STAT4: variants seen among roughly 807,000 people sequenced by gnomAD.
The protein encoded by STAT4 is signal transducer and activator of transcription 4.
STAT4 carries 42 observed loss-of-function variants against 110.5 expected under a neutral mutation model. That is an observed-to-expected ratio of 0.38 (90% confidence interval 0.30 to 0.49). STAT4 has a LOEUF of 0.49. STAT4 is among the 20% of genes least tolerant of loss of function. STAT4 has a pLI of 0.95. For missense variants in STAT4, 632 were observed against 887.9 expected (o/e 0.71, Z 3.66); for synonymous variants, 284 against 302.2 (o/e 0.94, Z 0.63).
At position 191,146,472 on chromosome 2, in the gene STAT4, G is replaced by A; in HGVS notation, c.273+141C>T. Reference sequence around the variant, plus strand: ...GAAAAATGTTAGGTAATAAAATTGAGCACAAAATTTGTAAGTGGTAAGACA... The same window carrying A: ...GAAAAATGTTAGGTAATAAAATTGAACACAAAATTTGTAAGTGGTAAGACA... On this transcript the variant is annotated intron_variant, in intron 3 of 23. Coordinates refer to ENST00000392320, the MANE Select transcript of STAT4 (RefSeq NM_003151.4). The surrounding 1 kb of genome is among the most constrained non-coding windows in gnomAD (Gnocchi z 4.5). The A allele has an allele frequency of 1.4e-6, 1 of 698,470 alleles. No homozygotes were observed. Among genetic ancestry groups the A allele is most frequent in the East Asian group, 3.3e-5 (1 of 30,084 alleles). 43.3% of individuals were successfully genotyped at this position (698,470 alleles called of 1,614,324 possible).
At chr2:191,054,075 C>A (rs1696603589) in intron 14 of STAT4, among the ~76,000 whole-genome samples, 2 of 149,486 alleles carry the variant, frequency 1.3e-5, no homozygotes, top group Non-Finnish European at 3.0e-5. Context: ...CTGCAGTGAA[C>A]CAAGATCTCA....
At chr2:191,137,607 A>T (rs1352901465) in intron 3 of STAT4, among the ~76,000 whole-genome samples, 2 of 152,192 alleles carry the variant, frequency 1.3e-5, no homozygotes, top group Non-Finnish European at 2.9e-5. Context: ...ATACTACCTG[A>T]CTTCAAAGTA....
intron 1 of STAT4, among the ~76,000 whole-genome samples, chr2:191,148,872 A>G (rs1315024492): frequency 6.6e-6 from 1 of 152,182 alleles, no homozygotes; most frequent in African/African-American, 2.4e-5. Flanking sequence ...TAGATGGGCA[A>G]AGCTCTTAAA....
intron 14 of STAT4, among the ~76,000 whole-genome samples, chr2:191,049,309 G>A (rs1454588202): frequency 6.6e-6 from 1 of 151,640 alleles, no homozygotes; most frequent in African/African-American, 2.4e-5. Flanking sequence ...TGAGTAGCTG[G>A]GACTACAGGC....
Position 191,039,760 on chromosome 2 carries a change from T to C in STAT4, c.1336-463A>G, listed in dbSNP as rs1270107915. 6.6e-6 allele frequency among the ~76,000 whole-genome samples: 1 copy of C among 152,202 alleles called. No homozygotes were observed. Among genetic ancestry groups the C allele is most frequent in the Non-Finnish European group, 1.5e-5 (1 of 68,032 alleles). On this transcript the variant is annotated intron_variant, in intron 15 of 23. Transcript: ENST00000392320. This position sits in a 1 kb window ranked among gnomAD's most constrained non-coding sequence, Gnocchi z 4.7. ...CACTGGAAGTGGGAGGTTTCTATTG[T>C]AAAAATAGGAGAGATAAGCTATGGG...
chr2:191,052,326 A>T (rs368039208), intron 14 of STAT4, among the ~76,000 whole-genome samples: 1 of 152,248 alleles, frequency 6.6e-6, no homozygotes, highest in Non-Finnish European at 1.5e-5. Context: ...CCTAGGAGTC[A>T]TACTAAAATT....
In STAT4 at chr2:191,113,685, G is replaced by A. The variant is rs767891745; in HGVS notation, c.273+32928C>T. Among the ~76,000 whole-genome samples, 19 of 152,126 alleles carry A rather than the reference G, an allele frequency of 1.2e-4. No individual in the cohort carries two copies. The highest frequency in any genetic ancestry group is 2.6e-4 in the Admixed American group (4 of 15,262). On this transcript the variant is annotated intron_variant, in intron 3 of 23. Transcript: ENST00000392320. This position sits in a 1 kb window ranked among gnomAD's most constrained non-coding sequence, Gnocchi z 4.8. ...AAAGATGAAATTTAGAGAGTGTTCC[G>A]AGTTGGAGTTTCATCAAAAGGAGCA...
At chr2:191,085,108 T>C (rs1697601612) in intron 3 of STAT4, among the ~76,000 whole-genome samples, 1 of 151,708 alleles carries the variant, frequency 6.6e-6, no homozygotes. Flanking sequence ...CTATCTTTAT[T>C]AGATTTTATT....
In STAT4 at chr2:191,050,376, A is replaced by G. The variant is rs1053935255; in HGVS notation, c.1251+4114T>C. Among the ~76,000 whole-genome samples, 6 of 152,190 alleles carry G rather than the reference A, an allele frequency of 3.9e-5. No homozygotes were observed. The highest frequency in any genetic ancestry group is 3.3e-4 in the Admixed American group (5 of 15,290). ...TTCACATTGACTCTTCCCAGGAGAG[A>G]ATAGAGTGGAGAGAAAGGCAGTGAT... On this transcript the variant is annotated intron_variant, in intron 14 of 23. Transcript: ENST00000392320. The surrounding 1 kb of genome is among the most constrained non-coding windows in gnomAD (Gnocchi z 4.3).
In STAT4 at chr2:191,091,237, A is replaced by C. The variant is rs1697789978; in HGVS notation, c.274-14912T>G. Among the ~76,000 whole-genome samples the C allele has an allele frequency of 6.6e-6, 1 of 152,228 alleles. No homozygotes were observed. The highest frequency in any genetic ancestry group is 1.5e-5 in the Non-Finnish European group (1 of 68,036). On this transcript the variant is annotated intron_variant, in intron 3 of 23. Coordinates refer to ENST00000392320, the MANE Select transcript of STAT4 (RefSeq NM_003151.4). This position sits in a 1 kb window ranked among gnomAD's most constrained non-coding sequence, Gnocchi z 5.4. ...AAAAAGAGACTCATACAAATTCTAG[A>C]ATGAATACACAAGATGACATGATTT...
At chr2:191,054,415 T>A (rs1696615811) in intron 14 of STAT4, 75 bp downstream of exon 14, 2 of 1,265,348 alleles carry the variant, frequency 1.6e-6, no homozygotes, top group African/African-American at 1.5e-5. Flanking sequence ...AGTCAAGCAG[T>A]TTAAAAGCTT....
intron 3 of STAT4, among the ~76,000 whole-genome samples, chr2:191,095,225 A>T (rs978249181): frequency 2.6e-5 from 4 of 152,212 alleles, no homozygotes; most frequent in Non-Finnish European, 4.4e-5. Flanking sequence ...GTTAACAAGG[A>T]TATCCAGGAA....
chr2:191,103,629 T>A (rs944651089), intron 3 of STAT4, among the ~76,000 whole-genome samples: 3 of 152,112 alleles, frequency 2.0e-5, no homozygotes, highest in Admixed American at 2.0e-4. Context: ...ATTTAATTTT[T>A]AAAAAATGGT....
Position 191,064,900 on chromosome 2 carries a change from A to G in STAT4, c.689T>C (p.Met230Thr). The change falls in exon 8 of 24, where the codon ATG becomes ACG. Residue 230 changes from methionine to threonine, a missense_variant. Coordinates refer to ENST00000392320, the MANE Select transcript of STAT4 (RefSeq NM_003151.4). ...IHETDLLMNT[M>T]LIEELQDWKR... ...CCAGTCTTGCAGCTCTTCTATGAGC[A>G]TGGTGTTCATTAACAGGTCTGTCTC... 6.2e-7 allele frequency: 1 copy of G among 1,613,254 alleles called. No individual in the cohort carries two copies. Among genetic ancestry groups the G allele is most frequent in the Non-Finnish European group, 8.5e-7 (1 of 1,179,610 alleles).
At chr2:191,137,582 A>C (rs1226518475) in intron 3 of STAT4, among the ~76,000 whole-genome samples, 2 of 152,256 alleles carry the variant, frequency 1.3e-5, no homozygotes, top group Non-Finnish European at 2.9e-5. Flanking sequence ...CAAAAAGAAC[A>C]AAGCTGGAAG....
chr2:191,036,117 T>C, intron 17 of STAT4, 47 bp downstream of exon 17: 5 of 1,594,134 alleles, frequency 3.1e-6, no homozygotes, highest in South Asian at 1.1e-5. Flanking sequence ...TTAAAATGCC[T>C]GAGGGCCAAA....
Position 191,142,917 on chromosome 2 carries a change from T to G in STAT4, c.273+3696A>C, listed in dbSNP as rs1699374768. Among the ~76,000 whole-genome samples, 1 of 152,134 alleles carries G rather than the reference T, an allele frequency of 6.6e-6. No homozygotes were observed. Among genetic ancestry groups the G allele is most frequent in the Non-Finnish European group, 1.5e-5 (1 of 68,028 alleles). On this transcript the variant is annotated intron_variant, in intron 3 of 23. Transcript: ENST00000392320. The surrounding 1 kb of genome is among the most constrained non-coding windows in gnomAD (Gnocchi z 4.1). Reference sequence around the variant, plus strand: ...AATGGTAGATATATGACATTATGCATTGTCAAAACCCATAAAATTATACAA... The same window carrying G: ...AATGGTAGATATATGACATTATGCAGTGTCAAAACCCATAAAATTATACAA...
intron 18 of STAT4, 35 bp from the exon 19 acceptor site, chr2:191,034,040 T>C: frequency 7.3e-7 from 1 of 1,368,028 alleles, no homozygotes; most frequent in Non-Finnish European, 1.0e-6. Context: ...AGACAATGAT[T>C]ATTTAAGTAA....
chr2:191,044,571 A>C (rs1696293334), intron 14 of STAT4, among the ~76,000 whole-genome samples: 1 of 152,310 alleles, frequency 6.6e-6, no homozygotes, highest in Non-Finnish European at 1.5e-5. Context: ...AGAAAGAGGA[A>C]GACATGAACC....
Sources: allele counts gnomAD v4.1 joint callset (sites outside exome capture counted in the v4.1 genomes callset), GRCh38; gene constraint gnomAD v4.1.1; non-coding constraint Gnocchi (gnomAD v3.1); transcripts MANE v1.5; gene names NCBI Gene and HGNC (gene_info 2026-07-23, HGNC 2026-07-21).